CRACR2A: variants seen among roughly 807,000 people sequenced by gnomAD.
CRACR2A encodes the protein EF-hand calcium-binding domain-containing protein 4B.
A neutral mutation model predicts 90.5 loss-of-function variants in CRACR2A; 79 were observed. That is an observed-to-expected ratio of 0.87 (90% CI 0.73 to 1.05). The LOEUF (loss-of-function observed/expected upper bound fraction) is 1.05. CRACR2A is among the 50% of genes least tolerant of loss of function. CRACR2A has a pLI of 0.00. For synonymous variants in CRACR2A, 338 were observed against 356.7 expected, an observed-to-expected ratio of 0.95 and a Z score of 0.59; for missense variants, 823 against 897.2, an observed-to-expected ratio of 0.92 and a Z score of 1.06.
chr12:3,749,967 G>A (rs1281712448), intron 1 of CRACR2A, among the ~76,000 whole-genome samples: 3 of 150,944 alleles, frequency 2.0e-5, no homozygotes, highest in South Asian at 2.1e-4. Context: ...ACGGAGTATC[G>A]CTCTTGTCAC....
At chr12:3,734,870 G>A (rs987577968) in intron 1 of CRACR2A, among the ~76,000 whole-genome samples, 2 of 152,156 alleles carry the variant, frequency 1.3e-5, no homozygotes, top group African/African-American at 2.4e-5. Flanking sequence ...TGTAGGTGGC[G>A]AGAGAGGGGA....
intron 7 of CRACR2A, among the ~76,000 whole-genome samples, chr12:3,663,431 T>G (rs1366775268): frequency 6.6e-6 from 1 of 152,182 alleles, no homozygotes; most frequent in Non-Finnish European, 1.5e-5. Context: ...TATTTCATCT[T>G]TGGGATATTC....
chr12:3,662,785 G>A (rs1038049412), intron 7 of CRACR2A, among the ~76,000 whole-genome samples: 5 of 152,224 alleles, frequency 3.3e-5, no homozygotes, highest in Non-Finnish European at 5.9e-5. Context: ...CAGTGGCTGC[G>A]CGGGCAGTGG....
intron 7 of CRACR2A, among the ~76,000 whole-genome samples, chr12:3,665,562 C>T (rs553881721): frequency 2.8e-4 from 42 of 152,288 alleles, no homozygotes; most frequent in African/African-American, 9.6e-4. Context: ...TTAACAAATT[C>T]TAATTAAATA....
intron 13 of CRACR2A, among the ~76,000 whole-genome samples, chr12:3,639,197 T>C (rs1372899144): frequency 6.6e-6 from 1 of 151,966 alleles, no homozygotes; most frequent in Non-Finnish European, 1.5e-5. Flanking sequence ...TCCATCCACC[T>C]CTCCTTCCTC....
At chr12:3,720,136 A>T (rs1946134219) in intron 2 of CRACR2A, among the ~76,000 whole-genome samples, 1 of 137,452 alleles carries the variant, frequency 7.3e-6, no homozygotes, top group African/African-American at 2.7e-5. Context: ...GAAAGAAAGA[A>T]AAAGAAAAGA....
At chr12:3,739,583 T>G (rs1946495029) in intron 1 of CRACR2A, among the ~76,000 whole-genome samples, 1 of 152,224 alleles carries the variant, frequency 6.6e-6, no homozygotes, top group African/African-American at 2.4e-5. Context: ...AGCAGTTATT[T>G]TCATCTTTCC....
At chr12:3,747,387 C>A (rs757807621) in intron 1 of CRACR2A, among the ~76,000 whole-genome samples, 10 of 152,114 alleles carry the variant, frequency 6.6e-5, no homozygotes, top group Non-Finnish European at 1.3e-4. Context: ...AAAGAGAGTC[C>A]CTGGAGTTCC....
intron 1 of CRACR2A, among the ~76,000 whole-genome samples, chr12:3,738,043 C>A (rs948428973): frequency 6.6e-6 from 1 of 152,258 alleles, no homozygotes; most frequent in Non-Finnish European, 1.5e-5. Context: ...TCACAACACC[C>A]TATGCACTCT....
intron 10 of CRACR2A, among the ~76,000 whole-genome samples, chr12:3,653,140 G>A (rs574409796): frequency 1.0e-3 from 159 of 152,250 alleles, no homozygotes; most frequent in Non-Finnish European, 1.9e-3. Context: ...GCGCCATCAT[G>A]CCTGGCTAAT....
chr12:3,668,745 C>A (rs149584286), intron 7 of CRACR2A, among the ~76,000 whole-genome samples: 2 of 152,202 alleles, frequency 1.3e-5, no homozygotes, highest in Non-Finnish European at 2.9e-5. Context: ...GTAAGGTGCA[C>A]TCCCTCCTGG....
chr12:3,653,008 A>G (rs1944821361), intron 10 of CRACR2A, among the ~76,000 whole-genome samples: 1 of 151,264 alleles, frequency 6.6e-6, no homozygotes, highest in African/African-American at 2.4e-5. Context: ...TGAGACGGGG[A>G]GTCTCACTCT....
At chr12:3,695,505 A>G (rs1228720706) in intron 4 of CRACR2A, among the ~76,000 whole-genome samples, 1 of 152,152 alleles carries the variant, frequency 6.6e-6, no homozygotes, top group Non-Finnish European at 1.5e-5. Context: ...AAGCATAAGA[A>G]CACCACCACA....
intron 2 of CRACR2A, chr12:3,727,962 T>G (rs1946297938): frequency 6.6e-6 from 1 of 152,052 alleles, no homozygotes; most frequent in South Asian, 2.1e-4. Flanking sequence ...CCCAAGAGGG[T>G]AGGCCAACTG....
At position 3,713,276 on chromosome 12, in the gene CRACR2A, A is replaced by C. The variant is rs1946033364; in HGVS notation, c.-76T>G. 3 of 985,236 alleles carry C rather than the reference A, an allele frequency of 3.0e-6. No homozygotes were observed. The highest frequency in any genetic ancestry group is 3.6e-6 in the Non-Finnish European group (3 of 829,930). 61.0% of individuals were successfully genotyped at this position (985,236 alleles called of 1,614,324 possible). On this transcript the variant is annotated 5_prime_UTR_variant, in exon 3 of 20. Coordinates refer to ENST00000440314, the MANE Select transcript of CRACR2A (RefSeq NM_001144958.2). ...CTCCTCGGAGGACCTGCAACTCTTC[A>C]CACCTGGAGGGTACTTTGGCCACTG...
In CRACR2A at chr12:3,621,850, C is replaced by T. The variant is rs536650620; in HGVS notation, c.1933-2478G>A. On this transcript the variant is annotated intron_variant, in intron 17 of 19. Transcript: ENST00000440314. ...CCCTGCAGGGACCCTGGCCTGCCACCGATAAAGGAGAAACAGACTCATCTC... is the reference window on the plus strand; with the variant it reads ...CCCTGCAGGGACCCTGGCCTGCCACTGATAAAGGAGAAACAGACTCATCTC... 1.1e-4 allele frequency among the ~76,000 whole-genome samples: 17 copies of T among 151,846 alleles called. 1 individual carries two copies. The highest frequency in any genetic ancestry group is 3.3e-4 in the Admixed American group (5 of 15,242).
chr12:3,680,151 C>T, intron 5 of CRACR2A, 87 bp downstream of exon 5: 1 of 1,097,608 alleles, frequency 9.1e-7, no homozygotes, highest in Non-Finnish European at 1.4e-6. Context: ...CTACCTGCCC[C>T]CCAGGTCTAC....
At chr12:3,673,324 T>C in intron 7 of CRACR2A, 122 bp downstream of exon 7, 2 of 1,250,942 alleles carry the variant, frequency 1.6e-6, no homozygotes, top group Non-Finnish European at 2.2e-6. Context: ...TGGTCCCCAC[T>C]TTGGCAGACA....
At chr12:3,741,226 TC>T (rs1419664196) in intron 1 of CRACR2A, among the ~76,000 whole-genome samples, 1 of 152,152 alleles carries the variant, frequency 6.6e-6, no homozygotes, top group Admixed American at 6.5e-5. Flanking sequence ...TTTCTGAGGG[TC>T]CCAGTCAGCC....
Sources: allele counts gnomAD v4.1 joint callset (sites outside exome capture counted in the v4.1 genomes callset), GRCh38; gene constraint gnomAD v4.1.1; transcripts MANE v1.5; gene names NCBI Gene and HGNC (gene_info 2026-07-23, HGNC 2026-07-21).